The following KRT6C variants were observed in gnomAD, a reference collection of about 807,000 sequenced individuals.
The protein encoded by KRT6C is keratin, type II cytoskeletal 6C.
Under a neutral mutation model 49.4 loss-of-function variants are expected in KRT6C, and 46 were observed. The ratio of observed to expected loss-of-function variants is 0.93; its 90% confidence interval spans 0.74 to 1.19. KRT6C has a LOEUF of 1.19. KRT6C is among the 50% of genes most tolerant of loss of function. KRT6C has a pLI of 0.00. For synonymous variants in KRT6C, 236 were observed against 297.1 expected (o/e 0.79, Z 2.12); for missense variants, 552 against 737.5 (o/e 0.75, Z 2.91).
Position 52,472,317 on chromosome 12 carries a change from G to A in KRT6C, c.541-37C>T. The A allele has an allele frequency of 4.3e-6, 6 of 1,397,242 alleles. 2 individuals carry two copies. The highest frequency in any genetic ancestry group is 6.6e-5 in the East Asian group (2 of 30,466). The allele number at this position is 1,397,242 out of a possible 1,614,324, so 86.6% of individuals were successfully genotyped here. On this transcript the variant is annotated intron_variant, in intron 1 of 8. Coordinates refer to ENST00000252250, the MANE Select transcript of KRT6C (RefSeq NM_173086.5). ...GCAAGATGGTCATTTTCCAGGCAAA[G>A]GAAGGAAGAAAAAGTGTCTGGTATC...
chr12:52,471,751 A>G lies in KRT6C; in HGVS notation c.756-19T>C, dbSNP rs2939596. On this transcript the variant is annotated intron_variant, in intron 2 of 8. Transcript: ENST00000252250. ...CTCATATCTACAGGAAGAAAGGCAT[A>G]GGACACATATGAGCCAGTGGGTAGG... The G allele has an allele frequency of 9.8e-4, 1,587 of 1,611,876 alleles. 10 individuals carry two copies. Among genetic ancestry groups the G allele is most frequent in the Middle Eastern group, 9.9e-4 (6 of 6,052 alleles).
Position 52,472,364 on chromosome 12 carries a change from A to G in KRT6C, c.541-84T>C, listed in dbSNP as rs1184339875. 4.2e-6 allele frequency: 5 copies of G among 1,200,334 alleles called. 1 individual carries two copies. Among genetic ancestry groups the G allele is most frequent in the African/African-American group, 4.1e-5 (3 of 72,524 alleles). 74.4% of individuals were successfully genotyped at this position (1,200,334 alleles called of 1,614,324 possible). A position where few individuals can be genotyped will look rare whatever the true frequency, so the allele number is the denominator to read the frequency against. On this transcript the variant is annotated intron_variant, in intron 1 of 8. Transcript: ENST00000252250. Reference sequence around the variant, plus strand: ...TATCCAGTTTCCTGGCAGGTCTTGGAGGTCCCCATGGTGCTGGGCTACTAC... The same window carrying G: ...TATCCAGTTTCCTGGCAGGTCTTGGGGGTCCCCATGGTGCTGGGCTACTAC...
At chr12:52,470,073 T>C (rs77992817) in intron 6 of KRT6C, 183 bp from the exon 7 acceptor site, 2 of 760,482 alleles carry the variant, frequency 2.6e-6, no homozygotes, top group African/African-American at 1.7e-5. Flanking sequence ...CAAAGTCCTA[T>C]GCCCCTTGTA....
At chr12:52,470,862 TACCAATTTCTA>T (rs1937866270) in intron 5 of KRT6C, among the ~76,000 whole-genome samples, 1 of 152,158 alleles carries the variant, frequency 6.6e-6, no homozygotes, top group African/African-American at 2.4e-5. Flanking sequence ...AAATATTCTG[TACCAATTTCTA>T]AAAGTCAGCA....
At chr12:52,470,818 G>A (rs1430863715) in intron 5 of KRT6C, among the ~76,000 whole-genome samples, 188 bp from the exon 6 acceptor site, 4 of 152,088 alleles carry the variant, frequency 2.6e-5, no homozygotes, top group African/African-American at 4.8e-5. Flanking sequence ...CCTCATTATG[G>A]CACCACTGCC....
Position 52,469,004 on chromosome 12 carries a change from G to A in KRT6C, c.*58C>T, listed in dbSNP as rs545522544. 8.9e-5 allele frequency: 144 copies of A among 1,610,382 alleles called. 1 individual carries two copies. The highest frequency in any genetic ancestry group is 7.3e-4 in the South Asian group (66 of 90,900). On this transcript the variant is annotated 3_prime_UTR_variant, in exon 9 of 9. Coordinates refer to ENST00000252250, the MANE Select transcript of KRT6C (RefSeq NM_173086.5). The stretch of plus-strand genomic sequence containing the variant: ...GAGAGGATAGGCAACCTGAGGAGAC[G>A]GCTCTGCAGCCAGAGAAGGGCCTGA...
rs746995539 is a variant in KRT6C, at chr12:52,469,063, T to C, written c.1694A>G (p.Ter565=). 48 of 1,613,988 alleles carry C rather than the reference T, an allele frequency of 3.0e-5. No homozygotes were observed. The Admixed American group carries it at 3.7e-4, about 12-fold the overall frequency. Residue 565 remains the stop codon, a stop_retained_variant, in exon 9 of 9, where the codon TAA becomes TGA. Coordinates refer to ENST00000252250, the MANE Select transcript of KRT6C (RefSeq NM_173086.5). ...SSSSRKSYKH[*] ...GGACCGAGAGCTGGAGGCAGCACTT[T>C]AGTGCTTGTAGCTCTTCCTGCTGGA...
intron 4 of KRT6C, 45 bp downstream of exon 4, chr12:52,471,376 T>C: frequency 6.2e-7 from 1 of 1,614,142 alleles, no homozygotes. Flanking sequence ...TTCTCCCCTT[T>C]GCAGACCCCA....
At chr12:52,470,082 T>G in intron 6 of KRT6C, 192 bp from the exon 7 acceptor site, 1 of 710,880 alleles carries the variant, frequency 1.4e-6, no homozygotes, top group Non-Finnish European at 2.4e-6. Context: ...ATGCCCCTTG[T>G]ATTAAGCACC....
Position 52,468,959 on chromosome 12 carries a change from C to T in KRT6C, c.*103G>A. 1 of 1,459,112 alleles carries T rather than the reference C, an allele frequency of 6.9e-7. No homozygotes were observed. Among genetic ancestry groups the T allele is most frequent in the Non-Finnish European group, 9.5e-7 (1 of 1,050,992 alleles). 90.4% of individuals were successfully genotyped at this position (1,459,112 alleles called of 1,614,324 possible). A position where few individuals can be genotyped will look rare whatever the true frequency, so the allele number is the denominator to read the frequency against. On this transcript the variant is annotated 3_prime_UTR_variant, in exon 9 of 9. Coordinates refer to ENST00000252250, the MANE Select transcript of KRT6C (RefSeq NM_173086.5). Reference sequence around the variant, plus strand: ...CCATACCCAGCTCTACCTCGGAGAGCAGGGAAGACTAGAGGCCAGGAGAGG... The same window carrying T: ...CCATACCCAGCTCTACCTCGGAGAGTAGGGAAGACTAGAGGCCAGGAGAGG...
At chr12:52,470,290 G>A (rs1404876462) in intron 6 of KRT6C, 5 of 773,896 alleles carry the variant, frequency 6.5e-6, no homozygotes, top group African/African-American at 5.2e-5. Flanking sequence ...CTTTTTACCT[G>A]ACTGTTGAGA....
rs768856864 is a variant in KRT6C, at chr12:52,471,752, G to A, written c.756-20C>T. On this transcript the variant is annotated intron_variant, in intron 2 of 8. Transcript: ENST00000252250. ...TCATATCTACAGGAAGAAAGGCATAGGACACATATGAGCCAGTGGGTAGGA... is the reference window on the plus strand; with the variant it reads ...TCATATCTACAGGAAGAAAGGCATAAGACACATATGAGCCAGTGGGTAGGA... 3 of 1,613,694 alleles carry A rather than the reference G, an allele frequency of 1.9e-6. No homozygotes were observed. The East Asian group carries it at 6.7e-5, about 36-fold the overall frequency.
In KRT6C at chr12:52,469,042, C is replaced by G. The variant is rs377681976; in HGVS notation, c.*20G>C. 6.2e-7 allele frequency: 1 copy of G among 1,614,068 alleles called. No homozygotes were observed. The highest frequency in any genetic ancestry group is 8.5e-7 in the Non-Finnish European group (1 of 1,179,980). Reference sequence around the variant, plus strand: ...GAGAAGGGCCTGAGGACTGTGGGACCGAGAGCTGGAGGCAGCACTTTAGTG... The same window carrying G: ...GAGAAGGGCCTGAGGACTGTGGGACGGAGAGCTGGAGGCAGCACTTTAGTG... On this transcript the variant is annotated 3_prime_UTR_variant, in exon 9 of 9. Coordinates refer to ENST00000252250, the MANE Select transcript of KRT6C (RefSeq NM_173086.5).
chr12:52,471,121 T>G lies in KRT6C; in HGVS notation c.1077+11A>C. On this transcript the variant is annotated intron_variant, in intron 5 of 8. Coordinates refer to ENST00000252250, the MANE Select transcript of KRT6C (RefSeq NM_173086.5). ...CAAGGATTCCTCAGCAGCTGCCCAC[T>G]CCCTGCTCACCTTGGTCTGGTACCA... The G allele has an allele frequency of 6.2e-7, 1 of 1,614,162 alleles. No homozygotes were observed. The highest frequency in any genetic ancestry group is 1.1e-5 in the South Asian group (1 of 91,074).
intron 5 of KRT6C, 21 bp downstream of exon 5, chr12:52,471,111 A>C (rs201397039): frequency 1.9e-6 from 3 of 1,614,190 alleles, no homozygotes; most frequent in African/African-American, 1.3e-5. Context: ...ATTCCTCAGC[A>C]GCTGCCCACT....
intron 6 of KRT6C, 106 bp from the exon 7 acceptor site, chr12:52,469,996 AG>A: frequency 8.1e-7 from 1 of 1,236,068 alleles, no homozygotes; most frequent in Non-Finnish European, 1.2e-6. Context: ...ACAGAGAATG[AG>A]CTTTGACTCT....
Position 52,470,575 on chromosome 12 carries a change from T to A in KRT6C, c.1133A>T (p.Lys378Met). 2 of 1,614,114 alleles carry A rather than the reference T, an allele frequency of 1.2e-6. No homozygotes were observed. Among genetic ancestry groups the A allele is most frequent in the Non-Finnish European group, 1.7e-6 (2 of 1,180,034 alleles). Residue 378 changes from lysine to methionine, a missense_variant, in exon 6 of 9, where the codon AAG becomes ATG. Lys to Met is a moderately conservative substitution (Grantham distance 95). Transcript: ENST00000252250. Reference protein sequence around the residue: ...GRHGDDLRNTKQEIAEINRMI... With the variant: ...GRHGDDLRNTMQEIAEINRMI... Reference sequence around the variant, plus strand: ...GCGGTTGATCTCAGCAATCTCCTGCTTGGTGTTGCGCAGGTCGTCCCCATG... The same window carrying A: ...GCGGTTGATCTCAGCAATCTCCTGCATGGTGTTGCGCAGGTCGTCCCCATG...
At position 52,470,551 on chromosome 12, in the gene KRT6C, C is replaced by T. The variant is rs139430353; in HGVS notation, c.1157G>A (p.Arg386His). The T allele has an allele frequency of 4.9e-4, 794 of 1,614,122 alleles. 3 individuals are homozygous for T. In the African/African-American group the frequency reaches 7.2e-3, roughly 15 times the overall value. ...NTKQEIAEIN[R>H]MIQRLRSEID... ...CTCAGATCTCAGCCTCTGGATCATG[C>T]GGTTGATCTCAGCAATCTCCTGCTT... Residue 386 changes from arginine (R) to histidine (H), a missense_variant, in exon 6 of 9, where the codon CGC (arginine) becomes CAC (histidine). Arg to His is a conservative substitution (Grantham distance 29). Transcript: ENST00000252250.
At chr12:52,469,917 C>G in intron 6 of KRT6C, 27 bp from the exon 7 acceptor site, 1 of 1,613,614 alleles carries the variant, frequency 6.2e-7, no homozygotes, top group Non-Finnish European at 8.5e-7. Flanking sequence ...AGAGAAGGAA[C>G]TTCTTGTCTG....
Sources: gnomAD v4.1 joint callset for allele counts (sites outside exome capture counted in the v4.1 genomes callset) on GRCh38, gnomAD v4.1.1 for gene constraint, MANE v1.5 for transcripts, NCBI Gene and HGNC (gene_info 2026-07-23, HGNC 2026-07-21) for gene names.